BAZ1A: variants seen among roughly 807,000 people sequenced by gnomAD.
The protein encoded by BAZ1A is bromodomain adjacent to zinc finger domain protein 1A.
Under a neutral mutation model 185.2 loss-of-function variants are expected in BAZ1A, and 50 were observed. The observed-to-expected ratio is 0.27, with a 90% CI of 0.22 to 0.34. The LOEUF is 0.34. BAZ1A is among the 10% of genes least tolerant of loss of function. The probability of loss-of-function intolerance (pLI) is 1.00; values close to 1 mark genes in which losing one functional copy is unlikely to be tolerated. For missense variants in BAZ1A, 1,356 were observed against 1,839.9 expected, an observed-to-expected ratio of 0.74 and a Z score of 4.81; for synonymous variants, 571 against 615.6, an observed-to-expected ratio of 0.93 and a Z score of 1.07.
intron 15 of BAZ1A, 137 bp from the exon 16 acceptor site, chr14:34,783,369 T>A: frequency 1.4e-5 from 1 of 71,524 alleles, no homozygotes; most frequent in Non-Finnish European, 2.3e-5. Flanking sequence ...ATTCATAAGC[T>A]TTTTTTTTTT....
chr14:34,812,850 A>G (rs999446018), intron 4 of BAZ1A, among the ~76,000 whole-genome samples: 4 of 152,226 alleles, frequency 2.6e-5, no homozygotes, highest in South Asian at 4.1e-4. Context: ...TTTACCTACA[A>G]TAGCATTAAA....
intron 4 of BAZ1A, among the ~76,000 whole-genome samples, chr14:34,812,531 C>T (rs146387149): frequency 1.3e-5 from 2 of 152,236 alleles, no homozygotes; most frequent in African/African-American, 4.8e-5. Flanking sequence ...GGGGAAGACA[C>T]TCTGGGGCAA....
At chr14:34,796,082 T>G (rs192092917) in intron 9 of BAZ1A, among the ~76,000 whole-genome samples, 37 of 152,170 alleles carry the variant, frequency 2.4e-4, no homozygotes, top group African/African-American at 8.4e-4. Flanking sequence ...GGTGGATTAC[T>G]TGACGTCAGA....
At position 34,834,643 on chromosome 14, in the gene BAZ1A, G is replaced by C. The variant is rs911242779; in HGVS notation, c.393-8487C>G. Among the ~76,000 whole-genome samples, 8 of 152,128 alleles carry C rather than the reference G, an allele frequency of 5.3e-5. No homozygotes were observed. In the East Asian group the frequency reaches 1.5e-3, roughly 29 times the overall value. On this transcript the variant is annotated intron_variant, in intron 3 of 26. Transcript: ENST00000360310. ...AACCAAACCACCGGTAGCATTCCTT[G>C]TCAATCTAATCAAGGCTAGCCCTTC...
rs559820125 is a variant in BAZ1A, at chr14:34,816,653, G to T, written c.537-5617C>A. 4.2e-5 allele frequency: 9 copies of T among 213,264 alleles called. No homozygotes were observed. The East Asian group carries it at 1.1e-3, about 27-fold the overall frequency. 13.2% of individuals were successfully genotyped at this position (213,264 alleles called of 1,614,324 possible). ...AAGCATCATTCACATACTAATCTGAGCTGCTACAAATACCTTATTTGGTTT... is the reference window on the plus strand; with the variant it reads ...AAGCATCATTCACATACTAATCTGATCTGCTACAAATACCTTATTTGGTTT... On this transcript the variant is annotated intron_variant, in intron 4 of 26. Transcript: ENST00000360310.
Position 34,870,828 on chromosome 14 carries a change from T to C in BAZ1A, c.113+3664A>G, listed in dbSNP as rs75356338. On this transcript the variant is annotated intron_variant, in intron 2 of 26. Coordinates refer to ENST00000360310, the MANE Select transcript of BAZ1A (RefSeq NM_013448.3). The stretch of plus-strand genomic sequence containing the variant: ...TGGATTTACTCCCCACCCCAACTTG[T>C]TTCCTCACCTGTAAAAGGAGGCTGT... Among the ~76,000 whole-genome samples the C allele has an allele frequency of 4.2e-3, 635 of 152,332 alleles. 6 individuals are homozygous for C. The highest frequency in any genetic ancestry group is 0.014 in the African/African-American group (598 of 41,570).
At position 34,836,411 on chromosome 14, in the gene BAZ1A, A is replaced by C. The variant is rs1354139518; in HGVS notation, c.393-10255T>G. On this transcript the variant is annotated intron_variant, in intron 3 of 26. Transcript: ENST00000360310. ...AAAAAAAAAAAAAAAAAAAAAAAAAAAAAAAAAACTTTCTATAACTGAGAC... is the reference window on the plus strand; with the variant it reads ...AAAAAAAAAAAAAAAAAAAAAAAAACAAAAAAAACTTTCTATAACTGAGAC... Among the ~76,000 whole-genome samples the C allele has an allele frequency of 2.1e-5, 3 of 139,754 alleles. 1 individual carries two copies. In the South Asian group the frequency reaches 6.8e-4, roughly 32 times the overall value. The allele number at this position is 139,754 out of a possible 152,430, so 91.7% of individuals were successfully genotyped here.
At chr14:34,872,926 A>C (rs984473264) in intron 2 of BAZ1A, among the ~76,000 whole-genome samples, 2 of 135,142 alleles carry the variant, frequency 1.5e-5, no homozygotes, top group Non-Finnish European at 3.5e-5. Context: ...AAAAAAAAAA[A>C]AAAAAAAAAA....
In BAZ1A at chr14:34,805,842, G is replaced by A. The variant is rs1881826258; in HGVS notation, c.726+1609C>T. Among the ~76,000 whole-genome samples the A allele has an allele frequency of 2.7e-5, 4 of 147,648 alleles. No homozygotes were observed. The South Asian group carries it at 8.4e-4, about 31-fold the overall frequency. On this transcript the variant is annotated intron_variant, in intron 6 of 26. Transcript: ENST00000360310. ...GCGTTCTTCATTGTATTTACTCAAG[G>A]TATTTTTCCCCCAGCGCTTGCCCTT...
At chr14:34,865,482 A>C (rs1254345110) in intron 2 of BAZ1A, among the ~76,000 whole-genome samples, 2 of 152,186 alleles carry the variant, frequency 1.3e-5, no homozygotes, top group Admixed American at 1.3e-4. Flanking sequence ...TGGTTAGCAC[A>C]TCTATCTGTG....
At position 34,862,159 on chromosome 14, in the gene BAZ1A, T is replaced by A. The variant is rs554577552; in HGVS notation, c.277A>T (p.Thr93Ser). 1 of 1,614,186 alleles carries A rather than the reference T, an allele frequency of 6.2e-7. No individual in the cohort carries two copies. The highest frequency in any genetic ancestry group is 1.3e-5 in the African/African-American group (1 of 75,048). ...EPLIIPVLYL[T>S]SLTHRSRLHE... ...AAGCGCGAACGATGGGTAAGGCTGGTCAAGTATAAAACTGGAATAATTAGT... is the reference window on the plus strand; with the variant it reads ...AAGCGCGAACGATGGGTAAGGCTGGACAAGTATAAAACTGGAATAATTAGT... Residue 93 changes from threonine (T) to serine (S), a missense_variant, in exon 3 of 27, where the codon ACC (threonine) becomes TCC (serine). Thr to Ser is a moderately conservative substitution (Grantham distance 58). This residue lies in a region of BAZ1A where 332 missense variants were observed against 395.3 expected (regional missense o/e 0.84). Coordinates refer to ENST00000360310, the MANE Select transcript of BAZ1A (RefSeq NM_013448.3).
chr14:34,794,075 T>G (rs1351868095), intron 11 of BAZ1A, among the ~76,000 whole-genome samples: 2 of 151,940 alleles, frequency 1.3e-5, no homozygotes, highest in African/African-American at 4.8e-5. Flanking sequence ...GAGCTTGCAG[T>G]GAGCCGAGAT....
At chr14:34,759,308 GTAGCTGGAACTA>G (rs1873497781) in intron 24 of BAZ1A, among the ~76,000 whole-genome samples, 1 of 150,872 alleles carries the variant, frequency 6.6e-6, no homozygotes, top group African/African-American at 2.4e-5. Context: ...AGCCTCCTGA[GTAGCTGGAACTA>G]TAGGCACCCG....
chr14:34,767,399 A>C (rs1001974762), intron 21 of BAZ1A, among the ~76,000 whole-genome samples: 1 of 152,034 alleles, frequency 6.6e-6, no homozygotes, highest in Non-Finnish European at 1.5e-5. Flanking sequence ...AAAATACAAA[A>C]ACTAGCCAGC....
intron 3 of BAZ1A, among the ~76,000 whole-genome samples, chr14:34,830,566 T>G (rs904650754): frequency 6.6e-6 from 1 of 152,122 alleles, no homozygotes; most frequent in African/African-American, 2.4e-5. Context: ...GGGCAGTGAC[T>G]GCTAATGGGC....
rs1277305186 is a variant in BAZ1A, at chr14:34,811,002, T to C, written c.571A>G (p.Lys191Glu). Residue 191 changes from lysine to glutamate, a missense_variant, in exon 5 of 27, where the codon AAG (lysine) becomes GAG (glutamate). Lys to Glu is a moderately conservative substitution (Grantham distance 56). Transcript: ENST00000360310. ...TTTTTAGTGGGTTGCACTTTATACTTGAATAGTAAGGGATCAATTGCATCT... is the reference window on the plus strand; with the variant it reads ...TTTTTAGTGGGTTGCACTTTATACTCGAATAGTAAGGGATCAATTGCATCT... ...KKDAIDPLLF[K>E]YKVQPTKKEL... The C allele has an allele frequency of 2.5e-6, 4 of 1,608,128 alleles. No homozygotes were observed. The highest frequency in any genetic ancestry group is 3.4e-6 in the Non-Finnish European group (4 of 1,176,106).
chr14:34,813,771 G>A (rs2041964533), intron 4 of BAZ1A, among the ~76,000 whole-genome samples: 1 of 152,048 alleles, frequency 6.6e-6, no homozygotes, highest in African/African-American at 2.4e-5. Flanking sequence ...CAGGTGTGGT[G>A]GCTCACACCT....
intron 15 of BAZ1A, 147 bp from the exon 16 acceptor site, chr14:34,783,379 T>TG (rs1403652149): frequency 1.4e-5 from 8 of 577,000 alleles, no homozygotes; most frequent in Non-Finnish European, 2.1e-5. Flanking sequence ...TTTTTTTTTT[T>TG]TTTTTTGAGA....
At chr14:34,825,146 G>A (rs917979732) in intron 4 of BAZ1A, among the ~76,000 whole-genome samples, 1 of 151,984 alleles carries the variant, frequency 6.6e-6, no homozygotes, top group Non-Finnish European at 1.5e-5. Flanking sequence ...GTACAGAATG[G>A]ATTTTTTCAA....
Sources: allele counts gnomAD v4.1 joint callset (sites outside exome capture counted in the v4.1 genomes callset), GRCh38; gene constraint gnomAD v4.1.1; regional missense constraint gnomAD v4.1.1; transcripts MANE v1.5; gene names NCBI Gene and HGNC (gene_info 2026-07-23, HGNC 2026-07-21).